PODXL2: variants seen among roughly 807,000 people sequenced by gnomAD.
PODXL2 encodes the protein podocalyxin-like protein 2.
PODXL2 carries 17 observed loss-of-function variants against 53.4 expected under a neutral mutation model. That is an observed-to-expected ratio of 0.32 (90% CI 0.22 to 0.48). PODXL2 has a LOEUF of 0.48. Among genes scored for constraint, PODXL2 ranks in the 20% least tolerant of loss-of-function variants. The probability of loss-of-function intolerance (pLI) is 0.99; values close to 1 mark genes in which losing one functional copy is unlikely to be tolerated. For missense variants in PODXL2, 673 were observed against 760.0 expected (o/e 0.89, Z 1.35); for synonymous variants, 311 against 306.7 (o/e 1.01, Z -0.15).
At position 127,662,257 on chromosome 3, in the gene PODXL2, C is replaced by T; in HGVS notation, c.1152C>T (p.Ser384=). The T allele has an allele frequency of 7.4e-6, 12 of 1,614,030 alleles. No homozygotes were observed. Among genetic ancestry groups the T allele is most frequent in the Non-Finnish European group, 9.3e-6 (11 of 1,179,896 alleles). Residue 384 remains serine, a synonymous_variant, in exon 4 of 8, where the codon AGC becomes AGT. Coordinates refer to ENST00000342480, the MANE Select transcript of PODXL2 (RefSeq NM_015720.4). ...DSTQVICKDW[S]NLAGKNYIIL... is the part of the protein sequence containing the mutation. ...CACAGGTGATCTGCAAGGACTGGAG[C>T]AATCTGGCTGGGAAAAACTACATCA...
chr3:127,634,136 A>G (rs2074563675), intron 1 of PODXL2, among the ~76,000 whole-genome samples: 1 of 152,112 alleles, frequency 6.6e-6, no homozygotes, highest in Non-Finnish European at 1.5e-5. Flanking sequence ...CATTTTAAAA[A>G]GACCTCTCGG....
chr3:127,653,117 C>T (rs552894299), intron 2 of PODXL2, among the ~76,000 whole-genome samples: 1 of 152,306 alleles, frequency 6.6e-6, no homozygotes, highest in Middle Eastern at 3.4e-3. Context: ...GCTGAGGCTT[C>T]CTCTCCCCTC....
chr3:127,637,696 AC>A (rs1171411259), intron 1 of PODXL2, among the ~76,000 whole-genome samples: 1 of 152,132 alleles, frequency 6.6e-6, no homozygotes, highest in Non-Finnish European at 1.5e-5. Flanking sequence ...CGTCTCTCTT[AC>A]CCTGGAGTCT....
intron 2 of PODXL2, among the ~76,000 whole-genome samples, chr3:127,642,596 G>A (rs2074628115): frequency 6.6e-6 from 1 of 151,910 alleles, no homozygotes; most frequent in African/African-American, 2.4e-5. Flanking sequence ...AATGAACGCC[G>A]CACCCCCCAC....
chr3:127,649,103 T>G (rs555353917), intron 2 of PODXL2, among the ~76,000 whole-genome samples: 1 of 149,834 alleles, frequency 6.7e-6, no homozygotes, highest in South Asian at 2.1e-4. Flanking sequence ...TTTCCAGACT[T>G]TTTTTTTTTC....
At chr3:127,650,944 C>T (rs2074684862) in intron 2 of PODXL2, among the ~76,000 whole-genome samples, 1 of 152,074 alleles carries the variant, frequency 6.6e-6, no homozygotes, top group Non-Finnish European at 1.5e-5. Context: ...CAGGCGTGAG[C>T]CACCGCGCCC....
At chr3:127,639,178 C>T (rs894691457) in intron 1 of PODXL2, 67 bp from the exon 2 acceptor site, 1 of 1,471,816 alleles carries the variant, frequency 6.8e-7, no homozygotes, top group Non-Finnish European at 9.1e-7. Flanking sequence ...GAGACATGCT[C>T]TAACCTGGCA....
In PODXL2 at chr3:127,648,787, CT is replaced by C. The variant is rs988325770; in HGVS notation, c.349+9287del. Among the ~76,000 whole-genome samples the C allele has an allele frequency of 6.9e-3, 677 of 97,854 alleles. 2 individuals are homozygous for C. The highest frequency in any genetic ancestry group is 0.022 in the African/African-American group (543 of 25,242). The allele number at this position is 97,854 out of a possible 152,430, so 64.2% of individuals were successfully genotyped here. A position where few individuals can be genotyped will look rare whatever the true frequency, so the allele number is the denominator to read the frequency against. On this transcript the variant is annotated intron_variant, in intron 2 of 7. Transcript: ENST00000342480. ...CTATGCCCAGCTAATTTTTGTATTT[CT>C]TTTTTTTTTTTTTTTTTTTTTTGAG...
chr3:127,629,414 C>A lies in PODXL2; in HGVS notation c.70+125C>A. The A allele has an allele frequency of 1.3e-6, 1 of 759,912 alleles. No individual in the cohort carries two copies. Among genetic ancestry groups the A allele is most frequent in the Non-Finnish European group, 1.6e-6 (1 of 624,544 alleles). 47.1% of individuals were successfully genotyped at this position (759,912 alleles called of 1,614,324 possible). ...GCCGCCGGGAGCGCGCGTGTCCCGGCCGGGCCGCGGCGCCGCCCCGACACA... is the reference window on the plus strand; with the variant it reads ...GCCGCCGGGAGCGCGCGTGTCCCGGACGGGCCGCGGCGCCGCCCCGACACA... On this transcript the variant is annotated intron_variant, in intron 1 of 7. Transcript: ENST00000342480. The surrounding 1 kb of genome is among the most constrained non-coding windows in gnomAD (Gnocchi z 6.4).
intron 2 of PODXL2, among the ~76,000 whole-genome samples, chr3:127,647,090 A>T (rs59080679): frequency 0.041 from 6,254 of 152,156 alleles, 334 homozygotes; most frequent in African/African-American, 0.12. Flanking sequence ...GAGCAGTGTG[A>T]CCTTGAGTGT....
intron 2 of PODXL2, 78 bp downstream of exon 2, chr3:127,639,601 G>A (rs1334234252): frequency 1.5e-6 from 2 of 1,332,568 alleles, no homozygotes. Context: ...CCATTTCCTT[G>A]CCAGAAGCAT....
At chr3:127,667,623 G>A (rs980515039) in intron 4 of PODXL2, among the ~76,000 whole-genome samples, 1 of 152,240 alleles carries the variant, frequency 6.6e-6, no homozygotes, top group African/African-American at 2.4e-5. Flanking sequence ...CTGGGCTCTT[G>A]CCATTCGTTG....
intron 2 of PODXL2, among the ~76,000 whole-genome samples, chr3:127,651,947 G>A (rs1454676094): frequency 6.6e-6 from 1 of 152,242 alleles, no homozygotes; most frequent in Non-Finnish European, 1.5e-5. Flanking sequence ...CTTAACGCCA[G>A]CCACTCTTGT....
chr3:127,639,648 C>T, intron 2 of PODXL2, 125 bp downstream of exon 2: 1 of 905,404 alleles, frequency 1.1e-6, no homozygotes, highest in Non-Finnish European at 1.7e-6. Context: ...CATGCTGCTG[C>T]TGTTTACCTG....
intron 2 of PODXL2, among the ~76,000 whole-genome samples, chr3:127,658,987 T>C (rs1363871538): frequency 6.7e-6 from 1 of 148,404 alleles, no homozygotes; most frequent in Non-Finnish European, 1.5e-5. Context: ...TTTCCTTGAC[T>C]TTTTTTTTTC....
chr3:127,661,655 G>A (rs745931272), intron 3 of PODXL2, among the ~76,000 whole-genome samples: 9 of 151,836 alleles, frequency 5.9e-5, no homozygotes, highest in African/African-American at 1.5e-4. Flanking sequence ...CAGGCTGGTC[G>A]GGAACTCCTG....
chr3:127,652,526 G>A (rs2074696574), intron 2 of PODXL2, among the ~76,000 whole-genome samples: 1 of 152,156 alleles, frequency 6.6e-6, no homozygotes, highest in Admixed American at 6.5e-5. Flanking sequence ...GGCCTCCCAT[G>A]CTCCGAGGCC....
intron 4 of PODXL2, among the ~76,000 whole-genome samples, chr3:127,665,682 T>C (rs779549568): frequency 8.5e-5 from 13 of 152,202 alleles, no homozygotes; most frequent in Non-Finnish European, 1.5e-4. Context: ...ATGTGGATCA[T>C]CCTTTAGTGA....
intron 2 of PODXL2, among the ~76,000 whole-genome samples, chr3:127,641,901 T>C (rs566274016): frequency 2.3e-4 from 35 of 152,326 alleles, no homozygotes; most frequent in Admixed American, 3.9e-4. Context: ...ACTTAGGTTG[T>C]CTTCAGTTTT....
Sources: allele counts gnomAD v4.1 joint callset (sites outside exome capture counted in the v4.1 genomes callset), GRCh38; gene constraint gnomAD v4.1.1; non-coding constraint Gnocchi (gnomAD v3.1); transcripts MANE v1.5; gene names NCBI Gene and HGNC (gene_info 2026-07-23, HGNC 2026-07-21).